The following MMADHC variants were observed in gnomAD, a reference collection of about 807,000 sequenced individuals.
MMADHC encodes the protein cobalamin trafficking protein CblD.
Under a neutral mutation model 36.3 loss-of-function variants are expected in MMADHC, and 23 were observed. That is an observed-to-expected ratio of 0.63 (90% CI 0.46 to 0.90). The LOEUF (loss-of-function observed/expected upper bound fraction) is 0.90. Among genes scored for constraint, MMADHC ranks in the 40% least tolerant of loss-of-function variants. MMADHC has a pLI of 0.00. For synonymous variants in MMADHC, 97 were observed against 116.1 expected, an observed-to-expected ratio of 0.84 and a Z score of 1.06; for missense variants, 330 against 348.0, an observed-to-expected ratio of 0.95 and a Z score of 0.41.
intron 2 of MMADHC, among the ~76,000 whole-genome samples, chr2:149,584,588 T>C (rs1682836845): frequency 6.6e-6 from 1 of 152,218 alleles, no homozygotes; most frequent in South Asian, 2.1e-4. Flanking sequence ...ATAGAACTTT[T>C]AACAAAAGTT....
At chr2:149,583,245 G>A (rs1190105064) in intron 2 of MMADHC, among the ~76,000 whole-genome samples, 1 of 152,222 alleles carries the variant, frequency 6.6e-6, no homozygotes, top group South Asian at 2.1e-4. Context: ...GAAATCCTTG[G>A]GAGAAAAGGT....
At chr2:149,577,317 TA>T (rs1682731867) in intron 4 of MMADHC, among the ~76,000 whole-genome samples, 1 of 152,030 alleles carries the variant, frequency 6.6e-6, no homozygotes, top group South Asian at 2.1e-4. Flanking sequence ...GGAGGAAAAA[TA>T]GTCCAGCAAA....
chr2:149,571,500 G>A (rs556804708), intron 6 of MMADHC, among the ~76,000 whole-genome samples: 38 of 152,098 alleles, frequency 2.5e-4, no homozygotes, highest in Non-Finnish European at 4.4e-5. Context: ...TTGCTATTTT[G>A]TATTACTATG....
intron 2 of MMADHC, among the ~76,000 whole-genome samples, chr2:149,583,220 C>T (rs759180610): frequency 2.0e-5 from 3 of 152,032 alleles, no homozygotes; most frequent in Non-Finnish European, 2.9e-5. Flanking sequence ...ATGAAAAGAT[C>T]TGAATAATTG....
intron 6 of MMADHC, chr2:149,572,312 C>G (rs1682652279): frequency 3.9e-6 from 1 of 257,684 alleles, no homozygotes; most frequent in African/African-American, 2.9e-5. Context: ...GCACTCCGGC[C>G]TGGGCGAGAG....
At chr2:149,581,340 T>G (rs1255431599) in intron 3 of MMADHC, among the ~76,000 whole-genome samples, 1 of 151,934 alleles carries the variant, frequency 6.6e-6, no homozygotes. Flanking sequence ...AATTGGGGAG[T>G]AGTCAGAGAG....
intron 2 of MMADHC, among the ~76,000 whole-genome samples, chr2:149,585,042 C>CAAA (rs537964049): frequency 1.5e-5 from 1 of 66,326 alleles, no homozygotes; most frequent in Non-Finnish European, 3.1e-5. Context: ...AACTCCGTCT[C>CAAA]AAAAAAAAAA....
rs1326259108 is a variant in MMADHC, at chr2:149,570,541, G to A, written c.697-373C>T. On this transcript the variant is annotated intron_variant, in intron 7 of 7. Transcript: ENST00000303319. Reference sequence around the variant, plus strand: ...TCTTATTTGACTTTGAGAAGAAATGGTATATATTCCTATCTTAAGATTCAA... The same window carrying A: ...TCTTATTTGACTTTGAGAAGAAATGATATATATTCCTATCTTAAGATTCAA... Among the ~76,000 whole-genome samples, 3 of 152,100 alleles carry A rather than the reference G, an allele frequency of 2.0e-5. No homozygotes were observed. In the East Asian group the frequency reaches 5.8e-4, roughly 29 times the overall value.
At chr2:149,579,168 G>A (rs533938706) in intron 4 of MMADHC, among the ~76,000 whole-genome samples, 2 of 151,692 alleles carry the variant, frequency 1.3e-5, no homozygotes, top group African/African-American at 4.8e-5. Flanking sequence ...ATTACATTAT[G>A]TATATCTAGA....
chr2:149,586,936 A>G (rs953346197), intron 2 of MMADHC, 153 bp downstream of exon 2: 2 of 747,654 alleles, frequency 2.7e-6, no homozygotes, highest in Admixed American at 2.1e-5. Flanking sequence ...TCAAAGCATA[A>G]CATAATTTCA....
At chr2:149,572,290 G>A (rs1682651985) in intron 6 of MMADHC, 5 of 371,818 alleles carry the variant, frequency 1.3e-5, no homozygotes, top group African/African-American at 5.0e-5. Flanking sequence ...AGTGAGCTGA[G>A]ATCATGCCAC....
chr2:149,575,261 T>C (rs1414183670), intron 6 of MMADHC, among the ~76,000 whole-genome samples: 6 of 152,280 alleles, frequency 3.9e-5, no homozygotes, highest in Admixed American at 2.0e-4. Context: ...ATTATTACAC[T>C]ATTATTGTAC....
Position 149,587,686 on chromosome 2 carries a change from C to G in MMADHC, c.-75G>C. On this transcript the variant is annotated 5_prime_UTR_variant, in exon 1 of 8. Coordinates refer to ENST00000303319, the MANE Select transcript of MMADHC (RefSeq NM_015702.3). ...TACCAGTCACCACCACTGTCTCCAG[C>G]TGTCCCAGAACCGGACTCTTCCTGC... 1 of 154,370 alleles carries G rather than the reference C, an allele frequency of 6.5e-6. No homozygotes were observed. Among genetic ancestry groups the G allele is most frequent in the South Asian group, 1.9e-4 (1 of 5,222 alleles). 9.6% of individuals were successfully genotyped at this position (154,370 alleles called of 1,614,324 possible).
At chr2:149,574,712 T>A (rs747642076) in intron 6 of MMADHC, among the ~76,000 whole-genome samples, 8 of 152,230 alleles carry the variant, frequency 5.3e-5, no homozygotes, top group Non-Finnish European at 1.0e-4. Context: ...TCTATAGATA[T>A]TAGCATGCAT....
intron 4 of MMADHC, among the ~76,000 whole-genome samples, chr2:149,577,964 G>A (rs1441189545): frequency 3.3e-5 from 5 of 152,192 alleles, no homozygotes; most frequent in Non-Finnish European, 7.3e-5. Flanking sequence ...GTTGCAGTGA[G>A]CCAAGATCGC....
chr2:149,576,972 G>A (rs935882436), intron 4 of MMADHC, among the ~76,000 whole-genome samples: 3 of 152,136 alleles, frequency 2.0e-5, no homozygotes, highest in Non-Finnish European at 2.9e-5. Flanking sequence ...TACAGGAAGA[G>A]CTTAGAGGCT....
rs1457045383 is a variant in MMADHC at position 149,587,720 on chromosome 2, T to C, written c.-109A>G. 1 of 152,648 alleles carries C rather than the reference T, an allele frequency of 6.6e-6. No homozygotes were observed. The highest frequency in any genetic ancestry group is 1.5e-5 in the Non-Finnish European group (1 of 68,330). The allele number at this position is 152,648 out of a possible 1,614,324, so 9.5% of individuals were successfully genotyped here. On this transcript the variant is annotated 5_prime_UTR_variant, in exon 1 of 8. Transcript: ENST00000303319. Reference sequence around the variant, plus strand: ...AACCGGACTCTTCCTGCCATCAAAATGGCGGCGGCGACGGCAGCGGTGGTA... The same window carrying C: ...AACCGGACTCTTCCTGCCATCAAAACGGCGGCGGCGACGGCAGCGGTGGTA...
chr2:149,584,581 G>C (rs1341504109), intron 2 of MMADHC, among the ~76,000 whole-genome samples: 2 of 152,116 alleles, frequency 1.3e-5, no homozygotes, highest in East Asian at 3.8e-4. Flanking sequence ...CTTGGTGATA[G>C]AACTTTTAAC....
intron 2 of MMADHC, 153 bp downstream of exon 2, chr2:149,586,931 GCATAA>G (rs1682879948): frequency 2.8e-6 from 2 of 726,852 alleles, no homozygotes; most frequent in South Asian, 1.6e-5. Context: ...CATCTTCAAA[GCATAA>G]CATAATTTCA....
Sources: allele counts gnomAD v4.1 joint callset (sites outside exome capture counted in the v4.1 genomes callset), GRCh38; gene constraint gnomAD v4.1.1; transcripts MANE v1.5; gene names NCBI Gene and HGNC (gene_info 2026-07-23, HGNC 2026-07-21).